PAIP2B: variants seen among roughly 807,000 people sequenced by gnomAD.
The protein encoded by PAIP2B is poly(A) binding protein interacting protein 2B.
In PAIP2B, 13 loss-of-function variants were observed where a neutral mutation model predicts 17.0. The ratio of observed to expected loss-of-function variants is 0.76; its 90% CI spans 0.50 to 1.22. The LOEUF (loss-of-function observed/expected upper bound fraction) is 1.22. PAIP2B is among the 50% of genes most tolerant of loss of function. The probability of loss-of-function intolerance (pLI) is 0.00; values close to 1 mark genes in which losing one functional copy is unlikely to be tolerated. For synonymous variants in PAIP2B, 43 were observed against 48.7 expected, an observed-to-expected ratio of 0.88 and a Z score of 0.48; for missense variants, 117 against 144.5, an observed-to-expected ratio of 0.81 and a Z score of 0.98.
Position 71,188,399 on chromosome 2 carries a change from C to A in PAIP2B, c.*80G>T. 2 of 1,316,182 alleles carry A rather than the reference C, an allele frequency of 1.5e-6. No homozygotes were observed. Among genetic ancestry groups the A allele is most frequent in the Non-Finnish European group, 2.1e-6 (2 of 933,032 alleles). The allele number at this position is 1,316,182 out of a possible 1,614,324, so 81.5% of individuals were successfully genotyped here. A position where few individuals can be genotyped will look rare whatever the true frequency, so the allele number is the denominator to read the frequency against. On this transcript the variant is annotated 3_prime_UTR_variant, in exon 4 of 4. Coordinates refer to ENST00000244221, the MANE Select transcript of PAIP2B (RefSeq NM_020459.1). The stretch of plus-strand genomic sequence containing the variant: ...CTGTGCACCCCTCGCCCGCCCCATC[C>A]CCCTCTTCAGCTCCACCATTTTGTG...
chr2:71,184,236 ATCTGAGGGAGCTTTT>A lies in PAIP2B; in HGVS notation c.*4228_*4242del, dbSNP rs1258688950. 1 of 152,216 alleles carries A rather than the reference ATCTGAGGGAGCTTTT, an allele frequency of 6.6e-6. No homozygotes were observed. Among genetic ancestry groups the A allele is most frequent in the Non-Finnish European group, 1.5e-5 (1 of 68,028 alleles). The allele number at this position is 152,216 out of a possible 1,614,324, so 9.4% of individuals were successfully genotyped here. On this transcript the variant is annotated 3_prime_UTR_variant, in exon 4 of 4. Coordinates refer to ENST00000244221, the MANE Select transcript of PAIP2B (RefSeq NM_020459.1). Reference sequence around the variant, plus strand: ...CACAAAAGAGACTCCTAGTAACACAATCTGAGGGAGCTTTTTCTTTTGAAATAAAGATGGTGCATC... The same window carrying A: ...CACAAAAGAGACTCCTAGTAACACAATCTTTTGAAATAAAGATGGTGCATC...
chr2:71,207,489 C>T (rs1385327534), intron 1 of PAIP2B, among the ~76,000 whole-genome samples: 1 of 152,036 alleles, frequency 6.6e-6, no homozygotes, highest in Non-Finnish European at 1.5e-5. Context: ...TAATAGAAGC[C>T]ATTATAAGGA....
At chr2:71,209,190 G>C (rs1051201195) in intron 1 of PAIP2B, among the ~76,000 whole-genome samples, 1 of 152,200 alleles carries the variant, frequency 6.6e-6, no homozygotes, top group African/African-American at 2.4e-5. Context: ...AGGCTGAATC[G>C]TAGGTGATAC....
chr2:71,208,654 G>T (rs576476893), intron 1 of PAIP2B, among the ~76,000 whole-genome samples: 1 of 152,240 alleles, frequency 6.6e-6, no homozygotes, highest in Non-Finnish European at 1.5e-5. Context: ...TTGGAAAAAA[G>T]GGTGTTTGTA....
In PAIP2B at chr2:71,202,491, C is replaced by G. The variant is rs1463996334; in HGVS notation, c.99G>C (p.Glu33Asp). The G allele has an allele frequency of 6.2e-7, 1 of 1,613,954 alleles. No homozygotes were observed. The highest frequency in any genetic ancestry group is 8.5e-7 in the Non-Finnish European group (1 of 1,179,862). Residue 33 changes from glutamate (E) to aspartate (D), a missense_variant, in exon 2 of 4, where the codon GAG (glutamate) becomes GAC (aspartate). Coordinates refer to ENST00000244221, the MANE Select transcript of PAIP2B (RefSeq NM_020459.1). ...CCTCTTCATTCTCCATCCACATGTACTCTGCAAATGGGTTTTCCTTTTCAT... is the reference window on the plus strand; with the variant it reads ...CCTCTTCATTCTCCATCCACATGTAGTCTGCAAATGGGTTTTCCTTTTCAT... ...GHDEKENPFA[E>D]YMWMENEEDF...
chr2:71,224,788 A>G (rs184676587), intron 1 of PAIP2B, among the ~76,000 whole-genome samples: 2 of 152,318 alleles, frequency 1.3e-5, no homozygotes, highest in East Asian at 3.9e-4. Context: ...GAGCTCCTCA[A>G]GGTCTCTAAG....
chr2:71,190,445 TA>T (rs1317618556), intron 2 of PAIP2B, among the ~76,000 whole-genome samples: 1 of 151,708 alleles, frequency 6.6e-6, no homozygotes, highest in Admixed American at 6.6e-5. Flanking sequence ...AAAATATATT[TA>T]AAAAAAAGAT....
chr2:71,202,649 A>C (rs1675014657), intron 1 of PAIP2B, 49 bp from the exon 2 acceptor site: 5 of 1,491,664 alleles, frequency 3.4e-6, no homozygotes, highest in Non-Finnish European at 4.6e-6. Flanking sequence ...GATAAAGGAA[A>C]TGTAGAGACC....
At chr2:71,219,074 C>A (rs1675508548) in intron 1 of PAIP2B, among the ~76,000 whole-genome samples, 2 of 144,608 alleles carry the variant, frequency 1.4e-5, no homozygotes, top group South Asian at 4.8e-4. Flanking sequence ...CGCCACCACG[C>A]CTAGCTAATT....
intron 3 of PAIP2B, among the ~76,000 whole-genome samples, 161 bp downstream of exon 3, chr2:71,189,684 T>C (rs1359047102): frequency 6.6e-6 from 1 of 152,206 alleles, no homozygotes; most frequent in Non-Finnish European, 1.5e-5. Context: ...AATGCATCTT[T>C]AATGCACCCC....
At chr2:71,211,148 A>G (rs1390327862) in intron 1 of PAIP2B, among the ~76,000 whole-genome samples, 1 of 151,698 alleles carries the variant, frequency 6.6e-6, no homozygotes, top group Non-Finnish European at 1.5e-5. Context: ...TCGGGGAGGT[A>G]GGGGGTGAAG....
chr2:71,212,214 T>C (rs1160126816), intron 1 of PAIP2B, among the ~76,000 whole-genome samples: 1 of 152,208 alleles, frequency 6.6e-6, no homozygotes, highest in African/African-American at 2.4e-5. Flanking sequence ...ATCAAATAAA[T>C]GCCACTATAA....
At chr2:71,190,525 A>C (rs942775547) in intron 2 of PAIP2B, among the ~76,000 whole-genome samples, 3 of 152,228 alleles carry the variant, frequency 2.0e-5, no homozygotes, top group Non-Finnish European at 4.4e-5. Context: ...TAGAGATAGC[A>C]TAATTTTTAT....
intron 1 of PAIP2B, among the ~76,000 whole-genome samples, chr2:71,211,350 A>G (rs553054569): frequency 4.6e-5 from 7 of 152,220 alleles, no homozygotes; most frequent in African/African-American, 1.7e-4. Context: ...AATCACCTGG[A>G]AGTTTTTCCA....
At chr2:71,194,277 G>T (rs1234264959) in intron 2 of PAIP2B, among the ~76,000 whole-genome samples, 3 of 152,092 alleles carry the variant, frequency 2.0e-5, no homozygotes, top group Non-Finnish European at 4.4e-5. Flanking sequence ...AGTTTGATAG[G>T]AATAGCATTG....
At chr2:71,211,883 CA>C (rs994113097) in intron 1 of PAIP2B, among the ~76,000 whole-genome samples, 13 of 152,128 alleles carry the variant, frequency 8.5e-5, no homozygotes, top group Non-Finnish European at 1.5e-4. Flanking sequence ...AAAGACTTGC[CA>C]AAAGTCAGTG....
At chr2:71,194,646 G>A (rs185583444) in intron 2 of PAIP2B, among the ~76,000 whole-genome samples, 3 of 152,262 alleles carry the variant, frequency 2.0e-5, no homozygotes, top group Admixed American at 6.5e-5. Flanking sequence ...CTGAGACTAC[G>A]GAGTTTTCTA....
chr2:71,203,205 C>A (rs1675030835), intron 1 of PAIP2B, among the ~76,000 whole-genome samples: 1 of 151,982 alleles, frequency 6.6e-6, no homozygotes, highest in Non-Finnish European at 1.5e-5. Context: ...CCCAAGTATC[C>A]ATTCTCAATA....
At chr2:71,220,916 C>A (rs1189007794) in intron 1 of PAIP2B, among the ~76,000 whole-genome samples, 1 of 152,262 alleles carries the variant, frequency 6.6e-6, no homozygotes, top group Non-Finnish European at 1.5e-5. Context: ...GCTGCTCACC[C>A]ATCTGTCTCC....
Sources: gnomAD v4.1 joint callset for allele counts (sites outside exome capture counted in the v4.1 genomes callset) on GRCh38, gnomAD v4.1.1 for gene constraint, MANE v1.5 for transcripts, NCBI Gene and HGNC (gene_info 2026-07-23, HGNC 2026-07-21) for gene names.